STON1: variants seen among roughly 807,000 people sequenced by gnomAD.
The protein encoded by STON1 is stonin-1.
In STON1, 79 loss-of-function variants were observed where a neutral mutation model predicts 60.9. That is an observed-to-expected ratio of 1.30 (90% CI 1.08 to 1.56). The LOEUF (loss-of-function observed/expected upper bound fraction) is 1.56. Ranked by LOEUF, STON1 falls within the 40% of genes most tolerant of loss-of-function variation. The probability of loss-of-function intolerance (pLI) is 0.00; values close to 1 mark genes in which losing one functional copy is unlikely to be tolerated. For missense variants in STON1, 1,166 were observed against 858.9 expected, an observed-to-expected ratio of 1.36 and a Z score of -4.47; for synonymous variants, 363 against 306.9, an observed-to-expected ratio of 1.18 and a Z score of -1.91.
chr2:48,591,997 T>C (rs1055595142), intron 3 of STON1, 142 bp downstream of exon 3: 17 of 1,149,804 alleles, frequency 1.5e-5, no homozygotes, highest in Admixed American at 3.1e-5. Context: ...CTATGGAAAC[T>C]TGATGGCCAC....
chr2:48,595,558 A>C lies in STON1; in HGVS notation c.*256A>C. 2.3e-6 allele frequency: 1 copy of C among 437,658 alleles called. No individual in the cohort carries two copies. Among genetic ancestry groups the C allele is most frequent in the South Asian group, 2.6e-5 (1 of 38,940 alleles). The allele number at this position is 437,658 out of a possible 1,614,324, so 27.1% of individuals were successfully genotyped here. A position where few individuals can be genotyped will look rare whatever the true frequency, so the allele number is the denominator to read the frequency against. Reference sequence around the variant, plus strand: ...ATGTTTTGCTTCCTATTGAAACTCAAAGGCACTGTTACTCGTTGTGTGACC... The same window carrying C: ...ATGTTTTGCTTCCTATTGAAACTCACAGGCACTGTTACTCGTTGTGTGACC... On this transcript the variant is annotated 3_prime_UTR_variant, in exon 4 of 4. Coordinates refer to ENST00000404752, the MANE Select transcript of STON1 (RefSeq NM_006873.4).
chr2:48,575,568 A>C (rs1311328355), intron 1 of STON1, among the ~76,000 whole-genome samples: 1 of 151,692 alleles, frequency 6.6e-6, no homozygotes, highest in Non-Finnish European at 1.5e-5. Context: ...CAGGAGAATC[A>C]CTTGAACCCG....
chr2:48,582,363 A>G lies in STON1; in HGVS notation c.1730A>G (p.Gln577Arg). 2 of 1,614,178 alleles carry G rather than the reference A, an allele frequency of 1.2e-6. No homozygotes were observed. Among genetic ancestry groups the G allele is most frequent in the Admixed American group, 1.7e-5 (1 of 60,020 alleles). Residue 577 changes from glutamine (Q) to arginine (R), a missense_variant, in exon 2 of 4, where the codon CAG (glutamine) becomes CGG (arginine). Transcript: ENST00000404752. ...AGGATACACTTTCCTGTCCCATCGCAGTGGATCAAGGCCCTTTGGACCATG... is the reference window on the plus strand; with the variant it reads ...AGGATACACTTTCCTGTCCCATCGCGGTGGATCAAGGCCCTTTGGACCATG... ...NIRIHFPVPS[Q>R]WIKALWTMNL...
intron 2 of STON1, among the ~76,000 whole-genome samples, chr2:48,587,655 G>A (rs960972287): frequency 1.3e-5 from 2 of 152,154 alleles, no homozygotes; most frequent in African/African-American, 4.8e-5. Context: ...CATTTCCAGG[G>A]AAACTGGCTG....
chr2:48,544,025 T>C (rs191286568), intron 1 of STON1, among the ~76,000 whole-genome samples: 16 of 152,266 alleles, frequency 1.1e-4, no homozygotes, highest in Non-Finnish European at 8.8e-5. Flanking sequence ...TTTTTGAGAA[T>C]TTTACAAGAC....
chr2:48,536,547 T>TAAAAAAAA (rs540312014), intron 1 of STON1, among the ~76,000 whole-genome samples: 1 of 102,906 alleles, frequency 9.7e-6, no homozygotes, highest in African/African-American at 3.8e-5. Flanking sequence ...GATGCCATCT[T>TAAAAAAAA]AAAAAAAAAA....
chr2:48,564,523 T>C (rs1204377709), intron 1 of STON1, among the ~76,000 whole-genome samples: 1 of 37,804 alleles, frequency 2.6e-5, no homozygotes, highest in Non-Finnish European at 5.3e-5. Context: ...CTTCTTCTTC[T>C]TCTTCTTCTT....
chr2:48,552,074 G>A (rs531900383), intron 1 of STON1, among the ~76,000 whole-genome samples: 1 of 152,236 alleles, frequency 6.6e-6, no homozygotes, highest in Non-Finnish European at 1.5e-5. Context: ...TGTTGCTGCA[G>A]AGCAGCTACT....
At chr2:48,585,634 A>T (rs1451536879) in intron 2 of STON1, among the ~76,000 whole-genome samples, 1 of 152,364 alleles carries the variant, frequency 6.6e-6, no homozygotes, top group East Asian at 1.9e-4. Context: ...AGGTCTTCAT[A>T]CAAGGTTCCA....
At chr2:48,569,967 A>G (rs1027593194) in intron 1 of STON1, among the ~76,000 whole-genome samples, 2 of 152,220 alleles carry the variant, frequency 1.3e-5, no homozygotes, top group African/African-American at 4.8e-5. Context: ...ATAATATTTA[A>G]GGTATTGCTG....
At chr2:48,533,628 C>A (rs944753693) in intron 1 of STON1, among the ~76,000 whole-genome samples, 10 of 127,060 alleles carry the variant, frequency 7.9e-5, no homozygotes, top group African/African-American at 3.1e-4. Flanking sequence ...TGCCACTGCA[C>A]TGGAGCCTGG....
chr2:48,543,495 A>G (rs1671743369), intron 1 of STON1, among the ~76,000 whole-genome samples: 1 of 150,738 alleles, frequency 6.6e-6, no homozygotes, highest in South Asian at 2.1e-4. Context: ...GCCTTTTAGG[A>G]GATAAAAACT....
chr2:48,539,739 C>G (rs1212634404), intron 1 of STON1, among the ~76,000 whole-genome samples: 2 of 151,920 alleles, frequency 1.3e-5, no homozygotes, highest in Non-Finnish European at 2.9e-5. Context: ...TTCTAAAGTG[C>G]TGGGATTACA....
At chr2:48,577,868 G>A (rs987733702) in intron 1 of STON1, among the ~76,000 whole-genome samples, 8 of 151,494 alleles carry the variant, frequency 5.3e-5, no homozygotes, top group African/African-American at 1.9e-4. Flanking sequence ...CGTCCACCTC[G>A]GCCTCCCAAA....
intron 1 of STON1, among the ~76,000 whole-genome samples, chr2:48,533,391 GA>G (rs890517590): frequency 1.4e-5 from 2 of 147,824 alleles, no homozygotes; most frequent in Non-Finnish European, 1.5e-5. Context: ...GAAAAGAAAA[GA>G]AAAAAAAAGA....
chr2:48,566,342 A>T (rs962313738), intron 1 of STON1, among the ~76,000 whole-genome samples: 35 of 152,132 alleles, frequency 2.3e-4, no homozygotes, highest in African/African-American at 8.4e-4. Flanking sequence ...CGCCCGGCTA[A>T]TTTTTGTATT....
rs1558605429 is a variant in STON1, at chr2:48,564,546, CTTCTTCTTCTTCTTCTT to C, written c.-47-16040_-47-16024del. ...TCTTCTTCTTCTTCTTCTTCTTCTT[CTTCTTCTTCTTCTTCTT>C]CTTCTCCTTCTCCTTCTCCTCCTCC... On this transcript the variant is annotated intron_variant, in intron 1 of 3. Coordinates refer to ENST00000404752, the MANE Select transcript of STON1 (RefSeq NM_006873.4). Among the ~76,000 whole-genome samples, 46 of 53,918 alleles carry C rather than the reference CTTCTTCTTCTTCTTCTT, an allele frequency of 8.5e-4. 1 individual carries two copies. The highest frequency in any genetic ancestry group is 2.3e-3 in the African/African-American group (34 of 14,610). 35.4% of individuals were successfully genotyped at this position (53,918 alleles called of 152,430 possible).
intron 1 of STON1, among the ~76,000 whole-genome samples, chr2:48,542,903 CA>C (rs995289787): frequency 1.1e-4 from 13 of 120,904 alleles, no homozygotes; most frequent in South Asian, 1.1e-3. Context: ...GACTCTGTCT[CA>C]AAAAAAAAAG....
chr2:48,591,606 C>T (rs1674516276), intron 2 of STON1, 47 bp from the exon 3 acceptor site: 1 of 1,599,632 alleles, frequency 6.3e-7, no homozygotes, highest in African/African-American at 1.3e-5. Context: ...GAGAAATGTT[C>T]AATGGCCATT....
Sources: gnomAD v4.1 joint callset for allele counts (sites outside exome capture counted in the v4.1 genomes callset) on GRCh38, gnomAD v4.1.1 for gene constraint, MANE v1.5 for transcripts, NCBI Gene and HGNC (gene_info 2026-07-23, HGNC 2026-07-21) for gene names.